AHCYL2: variants seen among roughly 807,000 people sequenced by gnomAD.
AHCYL2 encodes S-adenosylhomocysteine hydrolase-like protein 2.
In AHCYL2, 28 loss-of-function variants were observed where a neutral mutation model predicts 81.4. That is an observed-to-expected ratio of 0.34 (90% confidence interval 0.25 to 0.47). AHCYL2 has a LOEUF of 0.47. Ranked by LOEUF, AHCYL2 falls within the 20% of genes least tolerant of loss-of-function variation. The pLI is 1.00. For missense variants in AHCYL2, 551 were observed against 785.1 expected (o/e 0.70, Z 3.56); for synonymous variants, 272 against 290.2 (o/e 0.94, Z 0.64).
intron 4 of AHCYL2, among the ~76,000 whole-genome samples, chr7:129,395,991 T>A (rs1253921498): frequency 1.3e-5 from 2 of 152,252 alleles, no homozygotes; most frequent in African/African-American, 4.8e-5. Context: ...TGTCACTCTT[T>A]GGAGGGCAGT....
intron 1 of AHCYL2, among the ~76,000 whole-genome samples, chr7:129,318,171 G>T (rs1797891946): frequency 6.6e-6 from 1 of 152,204 alleles, no homozygotes; most frequent in South Asian, 2.1e-4. Flanking sequence ...GGTTAGTATG[G>T]AGAATAGATC....
chr7:129,318,902 A>G (rs1292158973), intron 1 of AHCYL2, among the ~76,000 whole-genome samples: 1 of 152,062 alleles, frequency 6.6e-6, no homozygotes, highest in Non-Finnish European at 1.5e-5. Context: ...TGAGCCAGAC[A>G]GTAAATTCGA....
At chr7:129,256,723 A>C (rs1795442124) in intron 1 of AHCYL2, among the ~76,000 whole-genome samples, 1 of 151,972 alleles carries the variant, frequency 6.6e-6, no homozygotes, top group Non-Finnish European at 1.5e-5. Flanking sequence ...ATCTTTGGGT[A>C]TATCTGTTGA....
At chr7:129,251,702 C>T (rs1391855116) in intron 1 of AHCYL2, among the ~76,000 whole-genome samples, 1 of 152,122 alleles carries the variant, frequency 6.6e-6, no homozygotes, top group Non-Finnish European at 1.5e-5. Context: ...GTCTTTGCAC[C>T]TCAGTGATGC....
intron 1 of AHCYL2, among the ~76,000 whole-genome samples, chr7:129,249,956 A>G (rs1270455524): frequency 6.6e-6 from 1 of 152,150 alleles, no homozygotes; most frequent in Non-Finnish European, 1.5e-5. Context: ...GTTGATGGAT[A>G]TTATGGATAT....
chr7:129,356,430 C>T (rs1056168176), intron 1 of AHCYL2, among the ~76,000 whole-genome samples: 6 of 152,162 alleles, frequency 3.9e-5, no homozygotes, highest in African/African-American at 1.2e-4. Flanking sequence ...CACCCTATCC[C>T]CTGTAATTGA....
At chr7:129,272,544 G>T (rs946876925) in intron 1 of AHCYL2, among the ~76,000 whole-genome samples, 2 of 152,202 alleles carry the variant, frequency 1.3e-5, no homozygotes, top group Non-Finnish European at 2.9e-5. Context: ...GGGACCTTGA[G>T]AAGACAGTGA....
chr7:129,365,531 ACT>A (rs760525841), intron 1 of AHCYL2, among the ~76,000 whole-genome samples: 9 of 151,158 alleles, frequency 6.0e-5, no homozygotes, highest in Non-Finnish European at 1.3e-4. Flanking sequence ...TTCTAACCTA[ACT>A]CTGTCTGATT....
intron 1 of AHCYL2, among the ~76,000 whole-genome samples, chr7:129,363,076 A>G (rs909403888): frequency 3.9e-5 from 6 of 152,102 alleles, no homozygotes; most frequent in African/African-American, 1.4e-4. Flanking sequence ...GAGGATTTTG[A>G]GCTGTTTTTG....
rs549525069 is a variant in AHCYL2, at chr7:129,278,710, A to G, written c.363+53271A>G. ...AATTCTGGCTTAACATTTTATACCA[A>G]TGGCCCATTTTGAGTTAATTTTTGC... On this transcript the variant is annotated intron_variant, in intron 1 of 16. Coordinates refer to ENST00000325006, the MANE Select transcript of AHCYL2 (RefSeq NM_015328.4). Among the ~76,000 whole-genome samples the G allele has an allele frequency of 2.7e-5, 4 of 148,476 alleles. No homozygotes were observed. In the South Asian group the frequency reaches 8.4e-4, roughly 31 times the overall value.
rs1176027113 is a variant in AHCYL2, at chr7:129,287,339, G to A, written c.363+61900G>A. Among the ~76,000 whole-genome samples, 4 of 152,198 alleles carry A rather than the reference G, an allele frequency of 2.6e-5. No homozygotes were observed. In the East Asian group the frequency reaches 7.7e-4, roughly 29 times the overall value. On this transcript the variant is annotated intron_variant, in intron 1 of 16. Transcript: ENST00000325006. ...CCCAAACTGTTTATGTGTGAGAAAA[G>A]AGAAACACAAGAGTTATCACCATTA...
At chr7:129,270,522 A>G (rs1367090444) in intron 1 of AHCYL2, among the ~76,000 whole-genome samples, 1 of 152,224 alleles carries the variant, frequency 6.6e-6, no homozygotes, top group African/African-American at 2.4e-5. Context: ...ATGCCAGATA[A>G]ATATATAATA....
At chr7:129,379,804 A>C in intron 2 of AHCYL2, 55 bp downstream of exon 2, 1 of 1,371,012 alleles carries the variant, frequency 7.3e-7, no homozygotes, top group Non-Finnish European at 1.0e-6. Flanking sequence ...TACGATCTCA[A>C]TGGGCCCTCC....
Position 129,253,743 on chromosome 7 carries a change from C to T in AHCYL2, c.363+28304C>T, listed in dbSNP as rs147383108. On this transcript the variant is annotated intron_variant, in intron 1 of 16. Coordinates refer to ENST00000325006, the MANE Select transcript of AHCYL2 (RefSeq NM_015328.4). ...TCTTCTGCCTCAGCCTTCCAAAGTG[C>T]TGGGATTACAGGCATAAGCTGCTCT... Among the ~76,000 whole-genome samples the T allele has an allele frequency of 5.5e-3, 833 of 152,290 alleles. 11 individuals carry two copies. The highest frequency in any genetic ancestry group is 0.019 in the African/African-American group (804 of 41,556).
At chr7:129,397,147 A>C in intron 4 of AHCYL2, 75 bp from the exon 5 acceptor site, 1 of 1,290,842 alleles carries the variant, frequency 7.7e-7, no homozygotes. Context: ...TCTGATTGTA[A>C]AATATATAAA....
chr7:129,358,041 C>T (rs531375371), intron 1 of AHCYL2, among the ~76,000 whole-genome samples: 1 of 151,854 alleles, frequency 6.6e-6, no homozygotes, highest in African/African-American at 2.4e-5. Context: ...AAATGCCTAT[C>T]GACAGATGAA....
In AHCYL2 at chr7:129,427,007, C is replaced by T. The variant is rs1446662305; in HGVS notation, c.1830-32C>T. Reference sequence around the variant, plus strand: ...TCCCAGCATCCCCATTAGCTGATAACATCACAGTCTCATCTTTCTTTTTCC... The same window carrying T: ...TCCCAGCATCCCCATTAGCTGATAATATCACAGTCTCATCTTTCTTTTTCC... On this transcript the variant is annotated intron_variant, in intron 16 of 16. Coordinates refer to ENST00000325006, the MANE Select transcript of AHCYL2 (RefSeq NM_015328.4). The surrounding 1 kb of genome is among the most constrained non-coding windows in gnomAD (Gnocchi z 5.5). The T allele has an allele frequency of 6.2e-7, 1 of 1,608,230 alleles. No homozygotes were observed. Among genetic ancestry groups the T allele is most frequent in the South Asian group, 1.1e-5 (1 of 90,862 alleles).
At chr7:129,364,057 GT>G (rs1234415295) in intron 1 of AHCYL2, among the ~76,000 whole-genome samples, 2 of 151,870 alleles carry the variant, frequency 1.3e-5, no homozygotes, top group African/African-American at 4.8e-5. Context: ...GAGCAACACA[GT>G]GAGACCGCTA....
At chr7:129,246,025 A>G (rs1362498252) in intron 1 of AHCYL2, among the ~76,000 whole-genome samples, 2 of 152,118 alleles carry the variant, frequency 1.3e-5, no homozygotes, top group African/African-American at 4.8e-5. Flanking sequence ...GTTTTTTGAT[A>G]ATAGTCATCC....
Sources: gnomAD v4.1 joint callset for allele counts (sites outside exome capture counted in the v4.1 genomes callset) on GRCh38, gnomAD v4.1.1 for gene constraint, Gnocchi (gnomAD v3.1) non-coding constraint, MANE v1.5 for transcripts, NCBI Gene and HGNC (gene_info 2026-07-23, HGNC 2026-07-21) for gene names.